KIF1A: variants seen among roughly 807,000 people sequenced by gnomAD.
The protein encoded by KIF1A is kinesin-like protein KIF1A.
In KIF1A, 46 loss-of-function variants were observed where a neutral mutation model predicts 227.3. That is an observed-to-expected ratio of 0.20 (90% CI 0.16 to 0.26). KIF1A has a LOEUF of 0.26. Among genes scored for constraint, KIF1A ranks in the 10% least tolerant of loss-of-function variants. KIF1A has a pLI of 1.00. For missense variants in KIF1A, 1,683 were observed against 2,485.9 expected (o/e 0.68, Z 6.87); for synonymous variants, 1,022 against 1,012.8 (o/e 1.01, Z -0.17).
intron 10 of KIF1A, among the ~76,000 whole-genome samples, chr2:240,776,813 G>A (rs537593897): frequency 6.6e-6 from 1 of 152,234 alleles, no homozygotes; most frequent in African/African-American, 2.4e-5. Context: ...AGACATCATT[G>A]TTCTTGAAGA....
rs759706769 is a variant in KIF1A, at chr2:240,771,227, G to A, written c.1208-123C>T. 5 of 1,157,038 alleles carry A rather than the reference G, an allele frequency of 4.3e-6. No individual in the cohort carries two copies. The Admixed American group carries it at 8.9e-5, about 21-fold the overall frequency. 71.7% of individuals were successfully genotyped at this position (1,157,038 alleles called of 1,614,324 possible). On this transcript the variant is annotated intron_variant, in intron 14 of 48. Coordinates refer to ENST00000498729, the MANE Select transcript of KIF1A (RefSeq NM_001244008.2). ...GGGCAGACAGACAGAGGGAGGGAGA[G>A]AAAAAAGATGAAGATGGGAAAAAGT...
At chr2:240,816,892 C>T (rs1462303102) in intron 1 of KIF1A, among the ~76,000 whole-genome samples, 1 of 152,248 alleles carries the variant, frequency 6.6e-6, no homozygotes, top group Admixed American at 6.5e-5. Context: ...CCCACAGCAC[C>T]CCCAACTGCA....
chr2:240,787,813 T>C (rs1021848754), intron 4 of KIF1A, among the ~76,000 whole-genome samples: 1 of 152,146 alleles, frequency 6.6e-6, no homozygotes, highest in African/African-American at 2.4e-5. Context: ...AGGCACATGA[T>C]CAAGGTGGAC....
chr2:240,798,851 C>T (rs1339346610), intron 1 of KIF1A, among the ~76,000 whole-genome samples: 3 of 152,336 alleles, frequency 2.0e-5, no homozygotes, highest in South Asian at 4.1e-4. Context: ...CAGCCTGACA[C>T]GAGAGGTTTT....
At chr2:240,801,571 A>G (rs1329052438) in intron 1 of KIF1A, among the ~76,000 whole-genome samples, 1 of 152,192 alleles carries the variant, frequency 6.6e-6, no homozygotes, top group Non-Finnish European at 1.5e-5. Flanking sequence ...CATGGTCTGA[A>G]TGTTTGTGTC....
intron 10 of KIF1A, among the ~76,000 whole-genome samples, chr2:240,779,616 TCA>T (rs1191939053): frequency 7.0e-6 from 1 of 142,998 alleles, no homozygotes; most frequent in African/African-American, 2.7e-5. Context: ...TCACAGTTCC[TCA>T]CTCAGTTCCA....
At chr2:240,761,064 C>G (rs575463503) in intron 24 of KIF1A, among the ~76,000 whole-genome samples, 165 bp downstream of exon 24, 10 of 152,348 alleles carry the variant, frequency 6.6e-5, no homozygotes, top group East Asian at 1.9e-4. Flanking sequence ...CAGGTCTGGG[C>G]TCCCTCACTG....
At chr2:240,762,589 C>A in intron 23 of KIF1A, 130 bp downstream of exon 23, 3 of 1,300,240 alleles carry the variant, frequency 2.3e-6, no homozygotes, top group Non-Finnish European at 3.0e-6. Context: ...GGAGGTCTTT[C>A]CCTAAAGAGA....
rs902923382 is a variant in KIF1A at position 240,757,482 on chromosome 2, C to T, written c.2695G>A (p.Glu899Lys). 7 of 1,550,450 alleles carry T rather than the reference C, an allele frequency of 4.5e-6. No individual in the cohort carries two copies. The East Asian group carries it at 7.3e-5, about 16-fold the overall frequency. The change falls in exon 27 of 49, where the codon GAG (glutamate) becomes AAG (lysine). Residue 899 changes from glutamate (E) to lysine (K), a missense_variant. Physicochemically the swap from Glu to Lys is moderately conservative, Grantham distance 56. Coordinates refer to ENST00000498729, the MANE Select transcript of KIF1A (RefSeq NM_001244008.2). This position sits in a 1 kb window ranked among gnomAD's most constrained non-coding sequence, Gnocchi z 6.2. ...TFSSPDSDAT[E>K]PAEEQSVGEE... ...CCCACGCTCTGCTCCTCGGCAGGCTCGGTGGCGTCGGAGTCGGGGCTCGAG... is the reference window on the plus strand; with the variant it reads ...CCCACGCTCTGCTCCTCGGCAGGCTTGGTGGCGTCGGAGTCGGGGCTCGAG...
chr2:240,781,551 G>A (rs140156523), intron 10 of KIF1A, among the ~76,000 whole-genome samples: 4 of 151,494 alleles, frequency 2.6e-5, no homozygotes, highest in South Asian at 2.1e-4. Context: ...TCTGGACAGC[G>A]GATCGTTCTC....
intron 14 of KIF1A, among the ~76,000 whole-genome samples, chr2:240,771,694 C>G (rs958145718): frequency 6.6e-6 from 1 of 152,200 alleles, no homozygotes. Flanking sequence ...CACCCCCGAG[C>G]TGTGGGGCCA....
At chr2:240,743,646 G>A (rs756741338) in intron 33 of KIF1A, among the ~76,000 whole-genome samples, 1 of 152,142 alleles carries the variant, frequency 6.6e-6, no homozygotes, top group Non-Finnish European at 1.5e-5. Flanking sequence ...TCTCCCCGGG[G>A]CCACCCCAGC....
chr2:240,748,938 T>A (rs1430180333), intron 28 of KIF1A, among the ~76,000 whole-genome samples: 1 of 152,016 alleles, frequency 6.6e-6, no homozygotes, highest in Non-Finnish European at 1.5e-5. Flanking sequence ...CTGGCCAACA[T>A]GGTGAAACCC....
chr2:240,725,527 C>T lies in KIF1A; in HGVS notation c.4123-123G>A. 9.2e-7 allele frequency: 1 copy of T among 1,087,640 alleles called. No homozygotes were observed. The highest frequency in any genetic ancestry group is 1.6e-5 in the South Asian group (1 of 64,340). 67.4% of individuals were successfully genotyped at this position (1,087,640 alleles called of 1,614,324 possible). A position where few individuals can be genotyped will look rare whatever the true frequency, so the allele number is the denominator to read the frequency against. Reference sequence around the variant, plus strand: ...GGCAGCCCCAGGGCCTTCCCAGGGCCTCAGGTGTGGCCTGGACGCAGGCAG... The same window carrying T: ...GGCAGCCCCAGGGCCTTCCCAGGGCTTCAGGTGTGGCCTGGACGCAGGCAG... On this transcript the variant is annotated intron_variant, in intron 39 of 48. Transcript: ENST00000498729. The surrounding 1 kb of genome is among the most constrained non-coding windows in gnomAD (Gnocchi z 5.8).
chr2:240,719,534 G>T (rs1370442044), intron 46 of KIF1A, among the ~76,000 whole-genome samples: 1 of 152,224 alleles, frequency 6.6e-6, no homozygotes, highest in African/African-American at 2.4e-5. Flanking sequence ...CCTGTGCTCT[G>T]TGCTGGTTCC....
chr2:240,720,518 C>T (rs1026286206), intron 45 of KIF1A: 6 of 170,340 alleles, frequency 3.5e-5, no homozygotes, highest in African/African-American at 7.2e-5. Flanking sequence ...GGGGTTCACA[C>T]GAGGTCTCTT....
At chr2:240,727,143 G>A (rs981115580) in intron 38 of KIF1A, among the ~76,000 whole-genome samples, 2 of 152,308 alleles carry the variant, frequency 1.3e-5, no homozygotes, top group Middle Eastern at 3.4e-3. Context: ...TCTCTTGGAC[G>A]CCCCGATGAG....
In KIF1A at chr2:240,766,907, G is replaced by GGT. The variant is rs1559510909; in HGVS notation, c.1684+6_1684+7dup. ...TGGGTGCGGGTAGGGACGGTAGGGT[G>GGT]GTGATACCTTCGCTGCCTCCCCTGG... On this transcript the variant is annotated splice_region_variant and intron_variant, in intron 19 of 48. Coordinates refer to ENST00000498729, the MANE Select transcript of KIF1A (RefSeq NM_001244008.2). This position sits in a 1 kb window ranked among gnomAD's most constrained non-coding sequence, Gnocchi z 5.0. The GGT allele has an allele frequency of 6.3e-7, 1 of 1,589,972 alleles. No homozygotes were observed. The highest frequency in any genetic ancestry group is 8.6e-7 in the Non-Finnish European group (1 of 1,163,760).
intron 13 of KIF1A, 51 bp downstream of exon 13, chr2:240,773,063 G>T: frequency 6.5e-7 from 1 of 1,541,306 alleles, no homozygotes; most frequent in African/African-American, 1.4e-5. Context: ...CGAGGCCCCT[G>T]AGCCTGAGGC....
Sources: gnomAD v4.1 joint callset for allele counts (sites outside exome capture counted in the v4.1 genomes callset) on GRCh38, gnomAD v4.1.1 for gene constraint, Gnocchi (gnomAD v3.1) non-coding constraint, MANE v1.5 for transcripts, NCBI Gene and HGNC (gene_info 2026-07-23, HGNC 2026-07-21) for gene names.